Variants in UTRN observed in about 807,000 individuals in gnomAD.
UTRN encodes the protein utrophin.
Under a neutral mutation model 463.9 loss-of-function variants are expected in UTRN, and 283 were observed. The ratio of observed to expected loss-of-function variants is 0.61; its 90% confidence interval spans 0.55 to 0.67. The LOEUF is 0.67. Ranked by LOEUF, UTRN falls within the 30% of genes least tolerant of loss-of-function variation. The pLI is 0.00. For missense variants in UTRN, 3,922 were observed against 4,084.3 expected (o/e 0.96, Z 1.08); for synonymous variants, 1,442 against 1,431.5 (o/e 1.01, Z -0.17).
chr6:144,361,854 C>CT (rs1335753516), intron 2 of UTRN, among the ~76,000 whole-genome samples: 2 of 151,152 alleles, frequency 1.3e-5, no homozygotes, highest in African/African-American at 4.9e-5. Flanking sequence ...GATCCTCCTA[C>CT]TTTGGTCTCC....
intron 50 of UTRN, among the ~76,000 whole-genome samples, chr6:144,566,873 T>C (rs1268223082): frequency 6.6e-6 from 1 of 152,062 alleles, no homozygotes; most frequent in African/African-American, 2.4e-5. Context: ...GGGAACCCCA[T>C]GCAGTAGCTC....
At chr6:144,607,022 T>C (rs1804923634) in intron 51 of UTRN, among the ~76,000 whole-genome samples, 1 of 152,176 alleles carries the variant, frequency 6.6e-6, no homozygotes, top group African/African-American at 2.4e-5. Flanking sequence ...TTTGTAAATA[T>C]GTTAAAGTGA....
intron 14 of UTRN, among the ~76,000 whole-genome samples, chr6:144,445,989 A>T (rs1405323776): frequency 1.3e-5 from 2 of 152,198 alleles, no homozygotes; most frequent in African/African-American, 4.8e-5. Context: ...AGATGGCACC[A>T]CTGCACTCCA....
At chr6:144,605,390 A>G (rs981795801) in intron 51 of UTRN, among the ~76,000 whole-genome samples, 2 of 152,050 alleles carry the variant, frequency 1.3e-5, no homozygotes, top group Non-Finnish European at 2.9e-5. Context: ...ATGAATTAGG[A>G]TAGAATAGAA....
chr6:144,502,735 A>G (rs1335292267), intron 34 of UTRN, among the ~76,000 whole-genome samples: 1 of 152,166 alleles, frequency 6.6e-6, no homozygotes. Flanking sequence ...GCATGTCTTT[A>G]GAGTAGAATG....
chr6:144,539,590 C>A, intron 45 of UTRN, 147 bp downstream of exon 45: 1 of 790,878 alleles, frequency 1.3e-6, no homozygotes, highest in Non-Finnish European at 1.8e-6. Context: ...TTTTATCTGT[C>A]ATAGACAGAG....
At chr6:144,798,805 G>A (rs567795033) in intron 64 of UTRN, among the ~76,000 whole-genome samples, 36 of 152,330 alleles carry the variant, frequency 2.4e-4, no homozygotes, top group African/African-American at 7.7e-4. Context: ...GCAGTGGCAC[G>A]ATCTTGGTTC....
chr6:144,316,466 C>T (rs1056165772), intron 2 of UTRN, among the ~76,000 whole-genome samples: 1 of 152,184 alleles, frequency 6.6e-6, no homozygotes, highest in Non-Finnish European at 1.5e-5. Context: ...TAAAATTAAC[C>T]ATAATCTGTT....
chr6:144,434,128 G>A (rs999216689), intron 9 of UTRN, among the ~76,000 whole-genome samples: 4 of 152,248 alleles, frequency 2.6e-5, no homozygotes, highest in African/African-American at 9.6e-5. Flanking sequence ...ATCACTCGCG[G>A]TCAGGAGCTG....
At chr6:144,552,358 T>C (rs1798999096) in intron 48 of UTRN, among the ~76,000 whole-genome samples, 1 of 152,216 alleles carries the variant, frequency 6.6e-6, no homozygotes, top group African/African-American at 2.4e-5. Flanking sequence ...TTGTGCCTAT[T>C]ATGGAACTTT....
chr6:144,622,104 A>G (rs888312330), intron 51 of UTRN, among the ~76,000 whole-genome samples: 1 of 149,888 alleles, frequency 6.7e-6, no homozygotes, highest in African/African-American at 2.5e-5. Context: ...ATTTATACAT[A>G]TGTGTAATAT....
At chr6:144,423,427 A>C in intron 4 of UTRN, 122 bp from the exon 5 acceptor site, 1 of 925,290 alleles carries the variant, frequency 1.1e-6, no homozygotes, top group Non-Finnish European at 1.7e-6. Flanking sequence ...CCTCAGCCAG[A>C]TCTCCTGCCT....
chr6:144,491,476 G>A (rs946677085), intron 32 of UTRN, among the ~76,000 whole-genome samples: 3 of 152,008 alleles, frequency 2.0e-5, no homozygotes, highest in Admixed American at 6.6e-5. Context: ...AATGGATATC[G>A]TAAAAATTCC....
chr6:144,472,342 AG>A (rs1354413855), intron 23 of UTRN, among the ~76,000 whole-genome samples: 1 of 149,762 alleles, frequency 6.7e-6, no homozygotes, highest in East Asian at 1.9e-4. Flanking sequence ...GAGGAAGCCT[AG>A]ATTATTAGAT....
intron 47 of UTRN, 150 bp downstream of exon 47, chr6:144,549,004 C>T (rs1278338149): frequency 1.0e-5 from 8 of 764,882 alleles, no homozygotes; most frequent in Middle Eastern, 3.2e-4. Flanking sequence ...GGGCTAACTA[C>T]AAAGCATAGA....
intron 62 of UTRN, among the ~76,000 whole-genome samples, chr6:144,791,231 G>A (rs1022615966): frequency 2.0e-5 from 3 of 152,068 alleles, no homozygotes; most frequent in Admixed American, 6.5e-5. Flanking sequence ...TGGCAGGGCC[G>A]CCATTCAAGA....
At chr6:144,791,964 C>G (rs12111214) in intron 62 of UTRN, among the ~76,000 whole-genome samples, 4,693 of 152,212 alleles carry the variant, frequency 0.031, 230 homozygotes, top group African/African-American at 0.11. Context: ...CAGACCTCTT[C>G]CCAGGGACTG....
At chr6:144,669,063 T>C (rs1585893972) in intron 51 of UTRN, among the ~76,000 whole-genome samples, 1 of 152,192 alleles carries the variant, frequency 6.6e-6, no homozygotes, top group South Asian at 2.1e-4. Context: ...CACTTACTTA[T>C]GATACATTAC....
chr6:144,827,702 C>A, intron 68 of UTRN, 26 bp downstream of exon 68: 1 of 1,606,006 alleles, frequency 6.2e-7, no homozygotes, highest in Non-Finnish European at 8.5e-7. Context: ...CAGAGCCCTC[C>A]ACTGCACTGC....
Sources: allele counts gnomAD v4.1 joint callset (sites outside exome capture counted in the v4.1 genomes callset), GRCh38; gene constraint gnomAD v4.1.1; transcripts MANE v1.5; gene names NCBI Gene and HGNC (gene_info 2026-07-23, HGNC 2026-07-21).